Variants in YBX3 observed in about 807,000 individuals in gnomAD.
YBX3 encodes Y-box-binding protein 3.
A neutral mutation model predicts 42.4 loss-of-function variants in YBX3; 29 were observed. That is an observed-to-expected ratio of 0.68 (90% CI 0.51 to 0.93). YBX3 has a LOEUF of 0.93. Among genes scored for constraint, YBX3 ranks in the 40% least tolerant of loss-of-function variants. The probability of loss-of-function intolerance (pLI) is 0.00; values close to 1 mark genes in which losing one functional copy is unlikely to be tolerated. For synonymous variants in YBX3, 195 were observed against 189.8 expected (o/e 1.03, Z -0.22); for missense variants, 517 against 527.5 (o/e 0.98, Z 0.19).
chr12:10,700,512 A>G (rs1948066637), intron 9 of YBX3, among the ~76,000 whole-genome samples: 1 of 152,206 alleles, frequency 6.6e-6, no homozygotes, highest in Non-Finnish European at 1.5e-5. Flanking sequence ...TTCTGGCTAT[A>G]ATTCTATGTA....
intron 7 of YBX3, chr12:10,703,478 T>C: frequency 3.1e-6 from 1 of 323,722 alleles, no homozygotes; most frequent in Non-Finnish European, 6.1e-6. Context: ...AGTGAGGCCT[T>C]TACTTTATCA....
Position 10,704,188 on chromosome 12 carries a change from C to T in YBX3, c.781-40G>A, listed in dbSNP as rs375401624. ...AGAGCTGACAGTGAGTGTCACAGCA[C>T]AGGGGATAAGATACAGTGCATACAG... On this transcript the variant is annotated intron_variant, in intron 6 of 9. Coordinates refer to ENST00000228251, the MANE Select transcript of YBX3 (RefSeq NM_003651.5). The T allele has an allele frequency of 4.5e-4, 704 of 1,569,356 alleles. 9 individuals are homozygous for T. In the South Asian group the frequency reaches 5.0e-3, roughly 11 times the overall value.
chr12:10,701,821 T>C (rs959573903), intron 8 of YBX3, 139 bp downstream of exon 8: 186 of 956,324 alleles, frequency 1.9e-4, no homozygotes, highest in South Asian at 4.6e-4. Flanking sequence ...AGGCATACCC[T>C]ATATATATGG....
chr12:10,715,339 GT>G (rs1304759801), intron 4 of YBX3, among the ~76,000 whole-genome samples: 4 of 151,680 alleles, frequency 2.6e-5, no homozygotes, highest in Non-Finnish European at 5.9e-5. Flanking sequence ...AAGGTCAGGA[GT>G]TTCAAGACCA....
chr12:10,721,278 A>G (rs1948321701), intron 1 of YBX3, among the ~76,000 whole-genome samples: 1 of 152,344 alleles, frequency 6.6e-6, no homozygotes, highest in Admixed American at 6.5e-5. Context: ...GGATCTGCAG[A>G]GGCAGTTGCT....
intron 1 of YBX3, chr12:10,721,945 C>CAA (rs1948331284): frequency 6.6e-6 from 1 of 152,224 alleles, no homozygotes; most frequent in Non-Finnish European, 1.5e-5. Context: ...TGTGACTAAA[C>CAA]CAACAACCAT....
intron 4 of YBX3, among the ~76,000 whole-genome samples, chr12:10,713,996 A>G (rs1402933413): frequency 3.9e-5 from 6 of 152,204 alleles, no homozygotes; most frequent in Non-Finnish European, 7.3e-5. Context: ...AGTGTATTTC[A>G]CACCCTACAT....
chr12:10,700,331 T>C (rs917289006), intron 9 of YBX3, among the ~76,000 whole-genome samples: 3 of 152,190 alleles, frequency 2.0e-5, no homozygotes, highest in Non-Finnish European at 4.4e-5. Context: ...ACTTCATTGA[T>C]GAAATTTTAA....
In YBX3 at chr12:10,713,241, G is replaced by A. The variant is rs760777666; in HGVS notation, c.543C>T (p.Tyr181=). 31 of 1,613,764 alleles carry A rather than the reference G, an allele frequency of 1.9e-5. No homozygotes were observed. The highest frequency in any genetic ancestry group is 2.6e-5 in the Non-Finnish European group (31 of 1,180,010). ...GGGGAGGGCCACGGCGCCTTCCATA[G>A]TAGCCACGTCTGTAACGGCGCCGAT... ...AADRRRYRRG[Y]YGRRRGPPRN... Residue 181 remains tyrosine, a synonymous_variant, in exon 5 of 10, where the codon TAC becomes TAT. Transcript: ENST00000228251.
chr12:10,709,079 G>C (rs559267484), intron 6 of YBX3, among the ~76,000 whole-genome samples: 2 of 152,166 alleles, frequency 1.3e-5, no homozygotes, highest in South Asian at 2.1e-4. Context: ...AAAAAAACAA[G>C]AAAGAACACA....
chr12:10,700,089 G>T (rs995862014), intron 9 of YBX3, among the ~76,000 whole-genome samples: 1 of 151,898 alleles, frequency 6.6e-6, no homozygotes, highest in South Asian at 2.1e-4. Flanking sequence ...ATAATGTTAC[G>T]CCATAAAAGG....
chr12:10,709,761 A>C, intron 6 of YBX3, 147 bp downstream of exon 6: 1 of 976,962 alleles, frequency 1.0e-6, no homozygotes, highest in Admixed American at 2.0e-5. Flanking sequence ...GAAAAAACAG[A>C]CTGAAGGCCT....
chr12:10,705,208 C>T (rs1948124179), intron 6 of YBX3, among the ~76,000 whole-genome samples: 2 of 152,266 alleles, frequency 1.3e-5, no homozygotes, highest in South Asian at 2.1e-4. Flanking sequence ...ATTCTCCTGC[C>T]TCAGCCTCGC....
rs531729930 is a variant in YBX3, at chr12:10,713,029, T to C, written c.573+182A>G. Reference sequence around the variant, plus strand: ...TCACCACCGGTTTCCCAAAAACCTATGGAAATCAATAATACACATTTTAAA... The same window carrying C: ...TCACCACCGGTTTCCCAAAAACCTACGGAAATCAATAATACACATTTTAAA... On this transcript the variant is annotated intron_variant, in intron 5 of 9. Transcript: ENST00000228251. 3.8e-5 allele frequency: 31 copies of C among 808,798 alleles called. No individual in the cohort carries two copies. In the African/African-American group the frequency reaches 5.1e-4, roughly 13 times the overall value. The allele number at this position is 808,798 out of a possible 1,614,324, so 50.1% of individuals were successfully genotyped here. A position where few individuals can be genotyped will look rare whatever the true frequency, so the allele number is the denominator to read the frequency against.
At chr12:10,705,607 G>GT (rs1948128675) in intron 6 of YBX3, among the ~76,000 whole-genome samples, 1 of 152,176 alleles carries the variant, frequency 6.6e-6, no homozygotes, top group Non-Finnish European at 1.5e-5. Context: ...TTGATAAGTG[G>GT]TTAAGGTGGT....
chr12:10,706,550 G>A (rs962863316), intron 6 of YBX3, among the ~76,000 whole-genome samples: 4 of 152,114 alleles, frequency 2.6e-5, no homozygotes, highest in Non-Finnish European at 5.9e-5. Flanking sequence ...TTTCTTTCTT[G>A]AAATACATTC....
chr12:10,716,853 T>C (rs896278737), intron 3 of YBX3, among the ~76,000 whole-genome samples: 2 of 152,092 alleles, frequency 1.3e-5, no homozygotes, highest in Non-Finnish European at 2.9e-5. Flanking sequence ...GCTCCCTTTT[T>C]CCTGTTAAAC....
At chr12:10,711,853 A>G (rs1948204379) in intron 5 of YBX3, 1 of 152,206 alleles carries the variant, frequency 6.6e-6, no homozygotes, top group Admixed American at 6.5e-5. Context: ...TTTTTCACTG[A>G]ATGTTTTTCT....
Position 10,723,046 on chromosome 12 carries a change from C to A in YBX3, c.66G>T (p.Ala22=). The change falls in exon 1 of 10, where the codon GCG becomes GCT. Residue 22 remains alanine (A), a synonymous_variant. Coordinates refer to ENST00000228251, the MANE Select transcript of YBX3 (RefSeq NM_003651.5). ...TTTLPQAPTE[A]AAAAPQDPAP... ...CGGGGTCCTGGGGAGCCGCGGCGGC[C>A]GCCTCCGTCGGAGCCTGCGGGAGGG... The A allele has an allele frequency of 8.3e-7, 1 of 1,205,618 alleles. No individual in the cohort carries two copies. Among genetic ancestry groups the A allele is most frequent in the Non-Finnish European group, 1.0e-6 (1 of 972,636 alleles). The allele number at this position is 1,205,618 out of a possible 1,614,324, so 74.7% of individuals were successfully genotyped here.
Sources: allele counts gnomAD v4.1 joint callset (sites outside exome capture counted in the v4.1 genomes callset), GRCh38; gene constraint gnomAD v4.1.1; transcripts MANE v1.5; gene names NCBI Gene and HGNC (gene_info 2026-07-23, HGNC 2026-07-21).